The following RAD51B variants were observed in gnomAD, a reference collection of about 807,000 sequenced individuals.
RAD51B encodes the protein RAD51 paralog B, also known as DNA repair protein RAD51 homolog 2.
Under a neutral mutation model 42.2 loss-of-function variants are expected in RAD51B, and 38 were observed. The ratio of observed to expected loss-of-function variants is 0.90; its 90% CI spans 0.70 to 1.18. The LOEUF (loss-of-function observed/expected upper bound fraction) is 1.18. RAD51B is among the 50% of genes most tolerant of loss of function. RAD51B has a pLI of 0.00. For missense variants in RAD51B, 373 were observed against 400.7 expected (o/e 0.93, Z 0.59); for synonymous variants, 154 against 145.2 (o/e 1.06, Z -0.43).
chr14:68,285,840 G>A lies in RAD51B; in HGVS notation c.757-6044G>A, dbSNP rs117893543. On this transcript the variant is annotated intron_variant, in intron 7 of 10. Coordinates refer to ENST00000471583, the MANE Select transcript of RAD51B (RefSeq NM_133510.4). ...AGTTTCAAAACTTCCCGTGGGCGCC[G>A]GAAATGATAACCACATGTTATCAAG... Among the ~76,000 whole-genome samples, 141 of 152,142 alleles carry A rather than the reference G, an allele frequency of 9.3e-4. 1 individual carries two copies. In the East Asian group the frequency reaches 0.023, roughly 24 times the overall value.
At chr14:68,605,392 C>G (rs561796992) in intron 10 of RAD51B, among the ~76,000 whole-genome samples, 2 of 152,332 alleles carry the variant, frequency 1.3e-5, no homozygotes, top group East Asian at 3.9e-4. Context: ...AGAGTACACT[C>G]GAACAAAGGA....
At chr14:68,125,617 A>G (rs1303040609) in intron 7 of RAD51B, among the ~76,000 whole-genome samples, 1 of 152,120 alleles carries the variant, frequency 6.6e-6, no homozygotes, top group Non-Finnish European at 1.5e-5. Context: ...AGGTTTGTAG[A>G]AAAAAAATCT....
At chr14:67,837,441 A>T (rs561191792) in intron 4 of RAD51B, among the ~76,000 whole-genome samples, 9 of 152,342 alleles carry the variant, frequency 5.9e-5, no homozygotes, top group African/African-American at 1.9e-4. Flanking sequence ...TTTAAAATCC[A>T]AACAGAAGTT....
intron 7 of RAD51B, among the ~76,000 whole-genome samples, chr14:68,204,604 T>C (rs571815207): frequency 6.6e-6 from 1 of 152,326 alleles, no homozygotes; most frequent in Non-Finnish European, 1.5e-5. Context: ...TTTGTAAAAG[T>C]TGAAGTATCT....
intron 7 of RAD51B, among the ~76,000 whole-genome samples, chr14:68,095,379 G>A (rs918495801): frequency 7.2e-5 from 11 of 151,826 alleles, no homozygotes; most frequent in Non-Finnish European, 1.0e-4. Flanking sequence ...GATGCACTCC[G>A]ATTAATAGAA....
downstream of RAD51B, among the ~76,000 whole-genome samples, chr14:68,479,752 T>A (rs1475099090): frequency 7.4e-6 from 1 of 134,830 alleles, no homozygotes; most frequent in Non-Finnish European, 1.5e-5. Flanking sequence ...CACTGCAGCC[T>A]CAACCTCCCA....
intron 7 of RAD51B, among the ~76,000 whole-genome samples, chr14:67,909,735 G>A (rs1027166340): frequency 4.6e-5 from 7 of 152,294 alleles, no homozygotes; most frequent in Admixed American, 2.0e-4. Context: ...CTGGAGTAGC[G>A]TAGCACGAAC....
chr14:68,073,652 G>C (rs942312860), intron 7 of RAD51B, among the ~76,000 whole-genome samples: 1 of 152,050 alleles, frequency 6.6e-6, no homozygotes, highest in African/African-American at 2.4e-5. Context: ...TTTTGTAGTG[G>C]TCAGTAATTG....
At chr14:68,556,452 G>A (rs1888850761) in intron 10 of RAD51B, among the ~76,000 whole-genome samples, 1 of 152,042 alleles carries the variant, frequency 6.6e-6, no homozygotes, top group Admixed American at 6.6e-5. Flanking sequence ...GCCATCAGGT[G>A]GAGTTCAGCC....
chr14:68,389,264 T>A (rs1566850444), intron 8 of RAD51B, among the ~76,000 whole-genome samples: 1 of 152,200 alleles, frequency 6.6e-6, no homozygotes, highest in Non-Finnish European at 1.5e-5. Flanking sequence ...TCCTCCTTCC[T>A]GTCATGACCC....
At chr14:67,889,726 G>C (rs1215301989) in intron 7 of RAD51B, among the ~76,000 whole-genome samples, 1 of 151,918 alleles carries the variant, frequency 6.6e-6, no homozygotes, top group Non-Finnish European at 1.5e-5. Flanking sequence ...GAGAATTAAA[G>C]AGGAATTAAT....
At chr14:68,574,552 G>A (rs931660866) in intron 10 of RAD51B, among the ~76,000 whole-genome samples, 1 of 152,122 alleles carries the variant, frequency 6.6e-6, no homozygotes, top group African/African-American at 2.4e-5. Context: ...CATTGCTTTA[G>A]CAGCCTGTAT....
At chr14:68,093,995 T>G (rs2077148892) in intron 7 of RAD51B, among the ~76,000 whole-genome samples, 1 of 152,240 alleles carries the variant, frequency 6.6e-6, no homozygotes, top group Admixed American at 6.5e-5. Context: ...CTGCCCTACT[T>G]CTTTGCCAAC....
chr14:67,923,026 G>C (rs1369995386), intron 7 of RAD51B, among the ~76,000 whole-genome samples: 1 of 151,978 alleles, frequency 6.6e-6, no homozygotes, highest in Non-Finnish European at 1.5e-5. Context: ...CCTGCCTCCT[G>C]CCCTTCCCCT....
intron 7 of RAD51B, among the ~76,000 whole-genome samples, chr14:68,030,543 A>G (rs1350858651): frequency 2.6e-5 from 4 of 152,152 alleles, no homozygotes; most frequent in African/African-American, 9.7e-5. Context: ...CCTTCATAGA[A>G]TTGAAGACAG....
intron 10 of RAD51B, among the ~76,000 whole-genome samples, chr14:68,568,976 A>G (rs1889559114): frequency 6.6e-6 from 1 of 152,130 alleles, no homozygotes; most frequent in Non-Finnish European, 1.5e-5. Context: ...TGGAATTTAG[A>G]TGTGGCTGGG....
rs35550359 is a variant in RAD51B at position 67,834,181 on chromosome 14, T to C, written c.199-899T>C. ...ATTCCTTGGCTTGTGGCTGCTTCTC[T>C]CTCTATACCATCTTCACATAACCTT... On this transcript the variant is annotated intron_variant, in intron 3 of 10. Transcript: ENST00000471583. Among the ~76,000 whole-genome samples, 4 of 152,246 alleles carry C rather than the reference T, an allele frequency of 2.6e-5. 1 individual carries two copies. In the East Asian group the frequency reaches 7.7e-4, roughly 29 times the overall value.
At chr14:68,304,500 T>C (rs1448780099) in intron 8 of RAD51B, among the ~76,000 whole-genome samples, 1 of 152,228 alleles carries the variant, frequency 6.6e-6, no homozygotes, top group Non-Finnish European at 1.5e-5. Flanking sequence ...GAGCTTATGA[T>C]CACATATTTC....
chr14:68,671,067 C>T (rs1893146482), intron 11 of RAD51B, among the ~76,000 whole-genome samples: 1 of 152,164 alleles, frequency 6.6e-6, no homozygotes, highest in Non-Finnish European at 1.5e-5. Flanking sequence ...AACGCCTGAT[C>T]CAGTCTCTTC....
Sources: allele counts gnomAD v4.1 joint callset (sites outside exome capture counted in the v4.1 genomes callset), GRCh38; gene constraint gnomAD v4.1.1; transcripts MANE v1.5; gene names NCBI Gene and HGNC (gene_info 2026-07-23, HGNC 2026-07-21).